Variants in MEGF10 observed in about 807,000 individuals in gnomAD.
MEGF10 encodes multiple EGF like domains 10, also known as multiple epidermal growth factor-like domains protein 10.
Under a neutral mutation model 147.5 loss-of-function variants are expected in MEGF10, and 86 were observed. The observed-to-expected ratio is 0.58, with a 90% CI of 0.49 to 0.70. The LOEUF (loss-of-function observed/expected upper bound fraction) is 0.70, where lower values mean the gene tolerates loss of function less well. Ranked by LOEUF, MEGF10 falls within the 30% of genes least tolerant of loss-of-function variation. The pLI is 0.00. For missense variants in MEGF10, 1,329 were observed against 1,487.3 expected (o/e 0.89, Z 1.75); for synonymous variants, 478 against 525.5 (o/e 0.91, Z 1.24).
chr5:127,289,488 G>T (rs1459222571), upstream of MEGF10, among the ~76,000 whole-genome samples: 1 of 152,176 alleles, frequency 6.6e-6, no homozygotes, highest in Non-Finnish European at 1.5e-5. Context: ...CATCCTGACT[G>T]ACCTTCCACC....
At chr5:127,392,188 A>G (rs928790864) in intron 5 of MEGF10, among the ~76,000 whole-genome samples, 6 of 152,170 alleles carry the variant, frequency 3.9e-5, no homozygotes, top group Non-Finnish European at 5.9e-5. Context: ...CTATCTCTCC[A>G]TAGTTATTTC....
rs769104685 is a variant in MEGF10 at position 127,445,587 on chromosome 5, A to G, written c.2622A>G (p.Ala874=). Reference sequence around the variant, plus strand: ...TCCTAGTTGTTCTCTTCCTACTGGCATTGTTCATTATTTATAGACACAAGC... The same window carrying G: ...TCCTAGTTGTTCTCTTCCTACTGGCGTTGTTCATTATTTATAGACACAAGC... ...ILVLVVLFLL[A]LFIIYRHKQK... Residue 874 remains alanine, a synonymous_variant, in exon 20 of 25, where the codon GCA becomes GCG. Coordinates refer to ENST00000503335, the MANE Select transcript of MEGF10 (RefSeq NM_001256545.2). 59 of 1,613,860 alleles carry G rather than the reference A, an allele frequency of 3.7e-5. No homozygotes were observed. Among genetic ancestry groups the G allele is most frequent in the Admixed American group, 6.7e-5 (4 of 59,968 alleles).
rs184606767 is a variant in MEGF10, at chr5:127,420,140, A to G, written c.1523A>G (p.Asn508Ser). ...CAGTGCCTCAACGGGGGAGCCTGCA[A>G]CACCCTGGACGGGACCTGCACGTGT... ...TCQCLNGGAC[N>S]TLDGTCTCAP... The change falls in exon 12 of 25, where the codon AAC becomes AGC. Residue 508 changes from asparagine to serine, a missense_variant. Coordinates refer to ENST00000503335, the MANE Select transcript of MEGF10 (RefSeq NM_001256545.2). 8 of 1,614,178 alleles carry G rather than the reference A, an allele frequency of 5.0e-6. No homozygotes were observed. In the Admixed American group the frequency reaches 5.0e-5, roughly 10 times the overall value.
chr5:127,317,897 T>C (rs1334780253), intron 1 of MEGF10, among the ~76,000 whole-genome samples: 1 of 151,234 alleles, frequency 6.6e-6, no homozygotes, highest in African/African-American at 2.4e-5. Context: ...GAACTTAAAG[T>C]GTAATAAAAA....
rs146307910 is a variant in MEGF10, at chr5:127,352,054, A to G, written c.319+11424A>G. ...CTTGGTCTCACCAAGCTGCAAATGCATCTTTAGTCTGTGTGGTCAGAGGCC... is the reference window on the plus strand; with the variant it reads ...CTTGGTCTCACCAAGCTGCAAATGCGTCTTTAGTCTGTGTGGTCAGAGGCC... On this transcript the variant is annotated intron_variant, in intron 4 of 24. Coordinates refer to ENST00000503335, the MANE Select transcript of MEGF10 (RefSeq NM_001256545.2). Among the ~76,000 whole-genome samples the G allele has an allele frequency of 5.3e-4, 80 of 152,246 alleles. 1 individual carries two copies. Among genetic ancestry groups the G allele is most frequent in the Non-Finnish European group, 4.3e-4 (29 of 68,022 alleles).
At chr5:127,400,722 A>G (rs1428313286) in intron 7 of MEGF10, among the ~76,000 whole-genome samples, 1 of 152,150 alleles carries the variant, frequency 6.6e-6, no homozygotes, top group Non-Finnish European at 1.5e-5. Flanking sequence ...GATGTGGGTT[A>G]ATGGTAACCA....
At chr5:127,366,179 C>T (rs1470315227) in intron 4 of MEGF10, among the ~76,000 whole-genome samples, 1 of 151,986 alleles carries the variant, frequency 6.6e-6, no homozygotes, top group East Asian at 1.9e-4. Flanking sequence ...GCGTCTGTGT[C>T]ATGAATGTGC....
At chr5:127,336,130 C>G (rs916192655) in intron 2 of MEGF10, among the ~76,000 whole-genome samples, 2 of 150,362 alleles carry the variant, frequency 1.3e-5, no homozygotes, top group Admixed American at 6.6e-5. Flanking sequence ...TGTAGTTTAA[C>G]ATAGTTAAAT....
intron 1 of MEGF10, among the ~76,000 whole-genome samples, chr5:127,317,763 A>G (rs1284324900): frequency 6.6e-6 from 1 of 152,130 alleles, no homozygotes; most frequent in African/African-American, 2.4e-5. Flanking sequence ...GTCCCCTGTC[A>G]TGGGGGAGGG....
chr5:127,420,024 C>G lies in MEGF10; in HGVS notation c.1427-20C>G. ...TGCTGCCTTTGTTCGCTCACGTGCT[C>G]TGGCGTTCTTGTCGCACAGGCTGGC... On this transcript the variant is annotated intron_variant, in intron 11 of 24. Coordinates refer to ENST00000503335, the MANE Select transcript of MEGF10 (RefSeq NM_001256545.2). The G allele has an allele frequency of 6.2e-7, 1 of 1,612,768 alleles. No individual in the cohort carries two copies. Among genetic ancestry groups the G allele is most frequent in the Non-Finnish European group, 8.5e-7 (1 of 1,179,424 alleles).
At chr5:127,347,865 T>C (rs1354257103) in intron 4 of MEGF10, among the ~76,000 whole-genome samples, 1 of 152,064 alleles carries the variant, frequency 6.6e-6, no homozygotes, top group East Asian at 1.9e-4. Context: ...TCTGTGAACC[T>C]CACTTCTTAA....
At chr5:127,334,875 A>C (rs1044219617) in intron 2 of MEGF10, among the ~76,000 whole-genome samples, 1 of 152,116 alleles carries the variant, frequency 6.6e-6, no homozygotes, top group Non-Finnish European at 1.5e-5. Flanking sequence ...GATTATTACC[A>C]TATCTGATTA....
chr5:127,397,861 C>T (rs1763979545), intron 6 of MEGF10, among the ~76,000 whole-genome samples: 1 of 152,218 alleles, frequency 6.6e-6, no homozygotes, highest in South Asian at 2.1e-4. Flanking sequence ...ACTTGTCAGT[C>T]AGTAGGAGAG....
At position 127,381,968 on chromosome 5, in the gene MEGF10, G is replaced by C. The variant is rs571413965; in HGVS notation, c.412+11966G>C. 3.6e-4 allele frequency among the ~76,000 whole-genome samples: 55 copies of C among 152,324 alleles called. 1 individual carries two copies. Among genetic ancestry groups the C allele is most frequent in the Middle Eastern group, 6.8e-3 (2 of 294 alleles). On this transcript the variant is annotated intron_variant, in intron 5 of 24. Coordinates refer to ENST00000503335, the MANE Select transcript of MEGF10 (RefSeq NM_001256545.2). The stretch of plus-strand genomic sequence containing the variant: ...TTACAGGCGTGAGCCACCGCACCCA[G>C]CCTGTTCTGGTTTATTTTTATAATT...
the MEGF10 span, among the ~76,000 whole-genome samples, chr5:127,260,472 C>T: frequency 6.6e-6 from 1 of 152,136 alleles, no homozygotes; most frequent in Non-Finnish European, 1.5e-5. Flanking sequence ...CTTCATGTCT[C>T]ATTGTCATAA....
At chr5:127,279,883 A>G in the MEGF10 span, among the ~76,000 whole-genome samples, 16 of 152,136 alleles carry the variant, frequency 1.1e-4, no homozygotes, top group African/African-American at 3.9e-4. Context: ...ATTGAATCAA[A>G]TCTGCTTTTT....
chr5:127,394,254 T>C (rs1386553939), intron 5 of MEGF10, among the ~76,000 whole-genome samples: 3 of 152,192 alleles, frequency 2.0e-5, no homozygotes, highest in Non-Finnish European at 4.4e-5. Flanking sequence ...GAGCATTCAG[T>C]AAAAGGATAA....
At chr5:127,370,923 G>C (rs1214794556) in intron 5 of MEGF10, among the ~76,000 whole-genome samples, 1 of 152,176 alleles carries the variant, frequency 6.6e-6, no homozygotes, top group Non-Finnish European at 1.5e-5. Context: ...GTTCGCATGA[G>C]AGCACACATT....
the MEGF10 span, among the ~76,000 whole-genome samples, chr5:127,247,036 A>T: frequency 7.5e-6 from 1 of 134,182 alleles, no homozygotes; most frequent in Non-Finnish European, 1.5e-5. Flanking sequence ...TAAATGAATG[A>T]CCTAAAGTTC....
Sources: allele counts gnomAD v4.1 joint callset (sites outside exome capture counted in the v4.1 genomes callset), GRCh38; gene constraint gnomAD v4.1.1; transcripts MANE v1.5; gene names NCBI Gene and HGNC (gene_info 2026-07-23, HGNC 2026-07-21).